UNC13B: variants seen among roughly 807,000 people sequenced by gnomAD.
UNC13B encodes the protein unc-13 homolog B, also known as protein unc-13 homolog B.
Under a neutral mutation model 211.0 loss-of-function variants are expected in UNC13B, and 144 were observed. The observed-to-expected ratio is 0.68, with a 90% CI of 0.60 to 0.78. The LOEUF is 0.78. UNC13B is among the 30% of genes least tolerant of loss of function. The probability of loss-of-function intolerance (pLI) is 0.00; values close to 1 mark genes in which losing one functional copy is unlikely to be tolerated. For synonymous variants in UNC13B, 709 were observed against 725.8 expected, an observed-to-expected ratio of 0.98 and a Z score of 0.37; for missense variants, 1,777 against 2,002.0, an observed-to-expected ratio of 0.89 and a Z score of 2.14.
intron 11 of UNC13B, among the ~76,000 whole-genome samples, chr9:35,330,730 A>G (rs1429565035): frequency 2.6e-5 from 4 of 152,224 alleles, no homozygotes; most frequent in Admixed American, 6.5e-5. Flanking sequence ...ATGTTCATCA[A>G]TGGTGGATCT....
In UNC13B at chr9:35,370,413, G is replaced by A. The variant is rs559936335; in HGVS notation, c.9540+17G>A. The A allele has an allele frequency of 2.9e-5, 46 of 1,612,782 alleles. No individual in the cohort carries two copies. The South Asian group carries it at 4.8e-4, about 17-fold the overall frequency. ...AGTGATCTGGTGAGTGAAGACTCTT[G>A]TGCAGGCATAGGCAGTAGCCTTGGG... On this transcript the variant is annotated intron_variant, in intron 13 of 39. Transcript: ENST00000635942.
At chr9:35,281,354 T>C (rs991571110) in intron 7 of UNC13B, among the ~76,000 whole-genome samples, 5 of 149,920 alleles carry the variant, frequency 3.3e-5, no homozygotes, top group African/African-American at 1.2e-4. Flanking sequence ...GGGCAGATGT[T>C]GCAGTGAGCT....
chr9:35,231,016 C>A, intron 2 of UNC13B, 104 bp from the exon 3 acceptor site: 1 of 717,112 alleles, frequency 1.4e-6, no homozygotes, highest in Non-Finnish European at 2.3e-6. Flanking sequence ...TTTTCCTGCA[C>A]ATGTAATACT....
intron 34 of UNC13B, 36 bp downstream of exon 34, chr9:35,399,320 C>T: frequency 6.2e-7 from 1 of 1,614,170 alleles, no homozygotes; most frequent in Non-Finnish European, 8.5e-7. Flanking sequence ...CCTGCTGTCT[C>T]CCTTCCCCTC....
At chr9:35,181,115 A>C (rs1821916426) in intron 1 of UNC13B, among the ~76,000 whole-genome samples, 1 of 152,102 alleles carries the variant, frequency 6.6e-6, no homozygotes, top group South Asian at 2.1e-4. Context: ...AAACAAAAAA[A>C]CAAAAACAAA....
At chr9:35,238,855 G>T (rs112335402) in intron 5 of UNC13B, among the ~76,000 whole-genome samples, 1 of 151,566 alleles carries the variant, frequency 6.6e-6, no homozygotes, top group African/African-American at 2.4e-5. Context: ...ACCATGCCTG[G>T]CCTACCATAA....
Position 35,318,050 on chromosome 9 carries a change from A to G in UNC13B, c.9414+4061A>G, listed in dbSNP as rs147433707. 1.5e-3 allele frequency among the ~76,000 whole-genome samples: 215 copies of G among 140,862 alleles called. 1 individual carries two copies. The highest frequency in any genetic ancestry group is 2.6e-3 in the Non-Finnish European group (170 of 65,068). The allele number at this position is 140,862 out of a possible 152,430, so 92.4% of individuals were successfully genotyped here. ...TTTAAGTTATGGCCTTTTCTTTTTCAGAAGTATAATAATTCAGTCTCTCAA... is the reference window on the plus strand; with the variant it reads ...TTTAAGTTATGGCCTTTTCTTTTTCGGAAGTATAATAATTCAGTCTCTCAA... On this transcript the variant is annotated intron_variant, in intron 11 of 39. Coordinates refer to ENST00000635942, the MANE Select transcript of UNC13B (RefSeq NM_001371189.2).
intron 11 of UNC13B, among the ~76,000 whole-genome samples, chr9:35,347,608 A>G (rs527403999): frequency 1.3e-3 from 200 of 152,304 alleles, no homozygotes; most frequent in African/African-American, 4.5e-3. Flanking sequence ...TGCCCTTCCT[A>G]TATCACCAGA....
At chr9:35,328,223 C>T (rs1302745107) in intron 11 of UNC13B, among the ~76,000 whole-genome samples, 2 of 151,980 alleles carry the variant, frequency 1.3e-5, no homozygotes, top group African/African-American at 4.8e-5. Flanking sequence ...GGGGTTTGAC[C>T]GTGTTGGCCA....
chr9:35,274,321 C>G (rs1249961071), intron 7 of UNC13B, among the ~76,000 whole-genome samples: 1 of 152,140 alleles, frequency 6.6e-6, no homozygotes, highest in African/African-American at 2.4e-5. Flanking sequence ...CTATCCTCTG[C>G]CTTAGCCTCC....
chr9:35,333,614 G>A (rs909754379), intron 11 of UNC13B, among the ~76,000 whole-genome samples: 2 of 151,878 alleles, frequency 1.3e-5, no homozygotes, highest in Non-Finnish European at 2.9e-5. Flanking sequence ...TTTCCTTTTA[G>A]TTTCCACATA....
rs374039159 is a variant in UNC13B at position 35,404,041 on chromosome 9, C to T, written c.*8C>T. The T allele has an allele frequency of 6.8e-5, 109 of 1,609,406 alleles. 2 individuals carry two copies. Among genetic ancestry groups the T allele is most frequent in the African/African-American group, 6.3e-4 (47 of 74,950 alleles). The stretch of plus-strand genomic sequence containing the variant: ...ACGGAGGAGGGGAGCTGAACACCTT[C>T]GACTCCTGTGCCAATCAGGCAGCAG... On this transcript the variant is annotated 3_prime_UTR_variant, in exon 40 of 40. Coordinates refer to ENST00000635942, the MANE Select transcript of UNC13B (RefSeq NM_001371189.2).
At chr9:35,205,608 A>T (rs1823599850) in intron 1 of UNC13B, among the ~76,000 whole-genome samples, 1 of 152,230 alleles carries the variant, frequency 6.6e-6, no homozygotes, top group Non-Finnish European at 1.5e-5. Context: ...TCTTTGTAGA[A>T]TTACTCATTC....
chr9:35,165,868 C>T (rs1821010732), intron 1 of UNC13B, among the ~76,000 whole-genome samples: 1 of 152,028 alleles, frequency 6.6e-6, no homozygotes, highest in South Asian at 2.1e-4. Context: ...TCCATAGGGA[C>T]CAGTGCCACA....
chr9:35,336,263 ATCTTT>A (rs1831650101), intron 11 of UNC13B, among the ~76,000 whole-genome samples: 1 of 151,968 alleles, frequency 6.6e-6, no homozygotes, highest in Admixed American at 6.6e-5. Context: ...CGTACTTACC[ATCTTT>A]TTTTTCTCCT....
chr9:35,214,731 A>C (rs2131431769), intron 1 of UNC13B, among the ~76,000 whole-genome samples: 1 of 152,306 alleles, frequency 6.6e-6, no homozygotes, highest in Admixed American at 6.5e-5. Context: ...TCATGAAGTT[A>C]ATTGGAAGAA....
intron 6 of UNC13B, among the ~76,000 whole-genome samples, chr9:35,248,996 C>T (rs965077386): frequency 6.6e-6 from 1 of 152,160 alleles, no homozygotes; most frequent in African/African-American, 2.4e-5. Flanking sequence ...GTCTAAGTCT[C>T]TTTGTAGGTC....
chr9:35,162,821 C>G (rs1270508779), intron 1 of UNC13B, among the ~76,000 whole-genome samples: 1 of 152,184 alleles, frequency 6.6e-6, no homozygotes, highest in Non-Finnish European at 1.5e-5. Context: ...GATTATTCTT[C>G]TGTTCCACTT....
intron 1 of UNC13B, among the ~76,000 whole-genome samples, chr9:35,202,719 C>T (rs947616607): frequency 6.6e-6 from 1 of 151,554 alleles, no homozygotes; most frequent in African/African-American, 2.4e-5. Flanking sequence ...TTCCTCCATC[C>T]CTTTATTTTG....
Sources: gnomAD v4.1 joint callset for allele counts (sites outside exome capture counted in the v4.1 genomes callset) on GRCh38, gnomAD v4.1.1 for gene constraint, MANE v1.5 for transcripts, NCBI Gene and HGNC (gene_info 2026-07-23, HGNC 2026-07-21) for gene names.